Variants in THSD4 observed in about 807,000 individuals in gnomAD.
The protein encoded by THSD4 is thrombospondin type 1 domain containing 4, also known as thrombospondin type-1 domain-containing protein 4.
THSD4 carries 69 observed loss-of-function variants against 119.0 expected under a neutral mutation model. The ratio of observed to expected loss-of-function variants is 0.58; its 90% confidence interval spans 0.48 to 0.71. THSD4 has a LOEUF of 0.71. THSD4 is among the 30% of genes least tolerant of loss of function. The probability of loss-of-function intolerance (pLI) is 0.00; values close to 1 mark genes in which losing one functional copy is unlikely to be tolerated. For missense variants in THSD4, 1,393 were observed against 1,391.1 expected (o/e 1.00, Z -0.02); for synonymous variants, 524 against 540.4 (o/e 0.97, Z 0.42).
chr15:71,216,962 A>T (rs949812807), intron 4 of THSD4, among the ~76,000 whole-genome samples: 3 of 152,064 alleles, frequency 2.0e-5, no homozygotes, highest in Non-Finnish European at 4.4e-5. Context: ...ATACCCAGCT[A>T]ATTTTTGTAT....
intron 7 of THSD4, among the ~76,000 whole-genome samples, chr15:71,531,900 GA>G (rs776236549): frequency 3.1e-4 from 47 of 152,296 alleles, no homozygotes; most frequent in Admixed American, 1.4e-3. Flanking sequence ...AATCCCTTGT[GA>G]ACTTGAAAAC....
chr15:71,340,001 G>A (rs1355345695), intron 6 of THSD4, among the ~76,000 whole-genome samples: 2 of 152,176 alleles, frequency 1.3e-5, no homozygotes, highest in Non-Finnish European at 2.9e-5. Flanking sequence ...CTGACCTCAG[G>A]TGATCCGCCC....
intron 4 of THSD4, among the ~76,000 whole-genome samples, chr15:71,227,068 CAG>C (rs2044023161): frequency 6.6e-6 from 1 of 152,126 alleles, no homozygotes; most frequent in Non-Finnish European, 1.5e-5. Flanking sequence ...TTTTCAGTAA[CAG>C]AGTTTGTAGC....
chr15:71,681,489 C>G (rs2051775501), intron 8 of THSD4, among the ~76,000 whole-genome samples: 1 of 151,484 alleles, frequency 6.6e-6, no homozygotes, highest in South Asian at 2.1e-4. Context: ...CCAGCCTGGC[C>G]AACATGGGGA....
chr15:71,111,522 G>T, upstream of THSD4: 1 of 825,212 alleles, frequency 1.2e-6, no homozygotes, highest in South Asian at 1.8e-5. Context: ...ACAGCAAGTT[G>T]ACCAACTCTC....
chr15:71,524,675 C>T (rs1402422024), intron 7 of THSD4, among the ~76,000 whole-genome samples: 3 of 133,976 alleles, frequency 2.2e-5, no homozygotes, highest in Non-Finnish European at 4.6e-5. Flanking sequence ...CAGCTCACTG[C>T]AAACTCCGCC....
intron 3 of THSD4, among the ~76,000 whole-genome samples, chr15:71,155,460 G>A (rs2040767690): frequency 6.6e-6 from 1 of 152,288 alleles, no homozygotes; most frequent in South Asian, 2.1e-4. Context: ...ATTTGGGTGG[G>A]GACACAGATC....
At chr15:71,609,713 A>G (rs1461651905) in intron 7 of THSD4, among the ~76,000 whole-genome samples, 1 of 152,046 alleles carries the variant, frequency 6.6e-6, no homozygotes, top group African/African-American at 2.4e-5. Context: ...TTAGCCGGGC[A>G]TGGTGGCAGG....
intron 7 of THSD4, among the ~76,000 whole-genome samples, chr15:71,609,014 G>A (rs2050170105): frequency 6.6e-6 from 1 of 152,182 alleles, no homozygotes; most frequent in Non-Finnish European, 1.5e-5. Context: ...AATCTGGAAA[G>A]TGACATAAAG....
At position 71,634,642 on chromosome 15, in the gene THSD4, G is replaced by C. The variant is rs553382486; in HGVS notation, c.1153-25888G>C. On this transcript the variant is annotated intron_variant, in intron 7 of 17. Transcript: ENST00000261862. ...GTGGCTGGGGGACTGTCTCATTGAG[G>C]GAATGGGTGGGAAGAACAAGGTAAA... Among the ~76,000 whole-genome samples, 51 of 152,286 alleles carry C rather than the reference G, an allele frequency of 3.3e-4. No individual in the cohort carries two copies. The South Asian group carries it at 7.7e-3, about 23-fold the overall frequency.
At chr15:71,637,447 G>T (rs2050766587) in intron 7 of THSD4, among the ~76,000 whole-genome samples, 2 of 152,276 alleles carry the variant, frequency 1.3e-5, no homozygotes, top group South Asian at 4.1e-4. Context: ...GTCGTGGAAG[G>T]CAGTGGCAGA....
At chr15:71,619,700 A>T (rs539314946) in intron 7 of THSD4, among the ~76,000 whole-genome samples, 1 of 152,148 alleles carries the variant, frequency 6.6e-6, no homozygotes, top group Admixed American at 6.5e-5. Context: ...CAAACATGTA[A>T]CTCCAAACAG....
chr15:71,412,749 A>G (rs62017884), intron 7 of THSD4, among the ~76,000 whole-genome samples: 27,360 of 152,122 alleles, frequency 0.18, 2,578 homozygotes, highest in South Asian at 0.31. Flanking sequence ...CCCACCAACA[A>G]CATTTTGAAT....
intron 7 of THSD4, chr15:71,547,341 T>C (rs906725895): frequency 4.5e-6 from 7 of 1,543,938 alleles, no homozygotes; most frequent in Middle Eastern, 1.7e-4. Context: ...GAGACACAAG[T>C]GCATCTGCTA....
chr15:71,404,902 C>CT (rs55824597), intron 6 of THSD4, among the ~76,000 whole-genome samples: 102,508 of 150,900 alleles, frequency 0.68, 36,048 homozygotes, highest in East Asian at 0.83. Flanking sequence ...CTTTGCTTTT[C>CT]TTTTTTGACA....
chr15:71,345,638 G>T (rs189501548), intron 6 of THSD4, among the ~76,000 whole-genome samples: 1 of 152,190 alleles, frequency 6.6e-6, no homozygotes, highest in East Asian at 1.9e-4. Flanking sequence ...ACAGGTCCAG[G>T]CCTCAGCTTT....
intron 7 of THSD4, among the ~76,000 whole-genome samples, chr15:71,412,474 A>G (rs11629522): frequency 0.34 from 51,827 of 152,080 alleles, 9,933 homozygotes; most frequent in Middle Eastern, 0.5. Context: ...TTCCGTAGCT[A>G]CATTAATTTG....
intron 7 of THSD4, chr15:71,549,655 G>A (rs2140856089): frequency 6.6e-6 from 1 of 152,298 alleles, no homozygotes; most frequent in South Asian, 2.1e-4. Context: ...TTCTCTGCCA[G>A]CTGGTTTTCT....
At chr15:71,350,141 T>TA (rs3086680) in intron 6 of THSD4, among the ~76,000 whole-genome samples, 17,368 of 111,024 alleles carry the variant, frequency 0.16, 1,202 homozygotes, top group Middle Eastern at 0.23. Context: ...TGCAAATTAC[T>TA]AAAAAAAAAA....
Sources: gnomAD v4.1 joint callset for allele counts (sites outside exome capture counted in the v4.1 genomes callset) on GRCh38, gnomAD v4.1.1 for gene constraint, MANE v1.5 for transcripts, NCBI Gene and HGNC (gene_info 2026-07-23, HGNC 2026-07-21) for gene names.